TENM3: variants seen among roughly 807,000 people sequenced by gnomAD.
TENM3 encodes teneurin transmembrane protein 3, also known as teneurin-3.
In TENM3, 63 loss-of-function variants were observed where a neutral mutation model predicts 255.1. The ratio of observed to expected loss-of-function variants is 0.25; its 90% CI spans 0.20 to 0.30. The LOEUF (loss-of-function observed/expected upper bound fraction) is 0.30, where lower values mean the gene tolerates loss of function less well. Ranked by LOEUF, TENM3 falls within the 10% of genes least tolerant of loss-of-function variation. The pLI is 1.00. For missense variants in TENM3, 2,929 were observed against 3,461.1 expected, an observed-to-expected ratio of 0.85 and a Z score of 3.86; for synonymous variants, 1,306 against 1,322.3, an observed-to-expected ratio of 0.99 and a Z score of 0.27.
the TENM3 span, among the ~76,000 whole-genome samples, chr4:181,771,464 G>C: frequency 6.6e-6 from 1 of 152,200 alleles, no homozygotes; most frequent in Non-Finnish European, 1.5e-5. Context: ...TGTAGCCTAG[G>C]TACACAAGAG....
the TENM3 span, among the ~76,000 whole-genome samples, chr4:181,658,238 G>T: frequency 6.6e-6 from 1 of 152,142 alleles, no homozygotes; most frequent in Admixed American, 6.5e-5. Flanking sequence ...TTCCTAGCTT[G>T]TTTGATCATG....
chr4:182,437,760 C>T (rs2019984), intron 3 of TENM3, among the ~76,000 whole-genome samples: 11,334 of 150,668 alleles, frequency 0.075, 666 homozygotes, highest in East Asian at 0.23. Context: ...ATCGCACCAC[C>T]GCACTTCAGC....
At chr4:181,938,623 T>G in the TENM3 span, among the ~76,000 whole-genome samples, 12 of 152,212 alleles carry the variant, frequency 7.9e-5, no homozygotes, top group African/African-American at 2.7e-4. Context: ...GATAGAAATT[T>G]TCATGAGTTC....
chr4:181,731,476 C>T, the TENM3 span, among the ~76,000 whole-genome samples: 2,007 of 152,194 alleles, frequency 0.013, 25 homozygotes, highest in South Asian at 0.04. Flanking sequence ...CTCAGCCTCC[C>T]GAGTAGCTGG....
At chr4:181,884,389 A>G in the TENM3 span, among the ~76,000 whole-genome samples, 1 of 152,054 alleles carries the variant, frequency 6.6e-6, no homozygotes, top group African/African-American at 2.4e-5. Context: ...GGTTGTGTAA[A>G]TATCACCATT....
At chr4:181,567,857 G>A in the TENM3 span, among the ~76,000 whole-genome samples, 414 of 152,210 alleles carry the variant, frequency 2.7e-3, 1 homozygote, top group Admixed American at 6.6e-3. Flanking sequence ...TCTGAAAGGC[G>A]AAATAATTAG....
At position 182,403,206 on chromosome 4, in the gene TENM3, C is replaced by A. The variant is rs7694768; in HGVS notation, c.511+56277C>A. ...GCTGTAAGTCCTAGGGTTGATTGGTCAAGAATAAGATTTCTCCAGTAAGAC... is the reference window on the plus strand; with the variant it reads ...GCTGTAAGTCCTAGGGTTGATTGGTAAAGAATAAGATTTCTCCAGTAAGAC... On this transcript the variant is annotated intron_variant, in intron 3 of 27. Coordinates refer to ENST00000511685, the MANE Select transcript of TENM3 (RefSeq NM_001080477.4). Among the ~76,000 whole-genome samples, 691 of 152,182 alleles carry A rather than the reference C, an allele frequency of 4.5e-3. 7 individuals carry two copies. The highest frequency in any genetic ancestry group is 0.016 in the African/African-American group (648 of 41,500).
chr4:182,447,355 G>A (rs139288225), intron 3 of TENM3, among the ~76,000 whole-genome samples: 2 of 152,178 alleles, frequency 1.3e-5, no homozygotes, highest in African/African-American at 4.8e-5. Context: ...GGATGTCTTA[G>A]ACGTAATGGA....
At chr4:181,575,616 A>G in the TENM3 span, among the ~76,000 whole-genome samples, 1 of 152,246 alleles carries the variant, frequency 6.6e-6, no homozygotes, top group Non-Finnish European at 1.5e-5. Context: ...TATTATTTTA[A>G]TTGGTGAATT....
intron 4 of TENM3, among the ~76,000 whole-genome samples, chr4:182,621,587 AC>A (rs1750152448): frequency 8.9e-6 from 1 of 112,242 alleles, no homozygotes; most frequent in African/African-American, 3.3e-5. Context: ...ACATAGGGAG[AC>A]CCCCATCTGT....
chr4:182,455,384 G>A (rs915328948), intron 3 of TENM3, among the ~76,000 whole-genome samples: 23 of 151,590 alleles, frequency 1.5e-4, no homozygotes, highest in South Asian at 4.2e-4. Context: ...CCACACTGTC[G>A]TCACAGTTGT....
rs115350262 is a variant in TENM3 at position 182,413,529 on chromosome 4, T to C, written c.511+66600T>C. On this transcript the variant is annotated intron_variant, in intron 3 of 27. Transcript: ENST00000511685. ...TACTCAGGTGGCTGAGGCACGATAA[T>C]TGCTTGAGCCTGGGAAGCGGAGGTT... Among the ~76,000 whole-genome samples the C allele has an allele frequency of 5.6e-3, 851 of 152,154 alleles. 14 individuals carry two copies. Among genetic ancestry groups the C allele is most frequent in the African/African-American group, 0.02 (812 of 41,504 alleles).
chr4:182,632,537 G>A lies in TENM3; in HGVS notation c.988+3648G>A, dbSNP rs191025201. On this transcript the variant is annotated intron_variant, in intron 5 of 27. Transcript: ENST00000511685. ...CTGACTATCTTCTCATACATTTATT[G>A]GCCATTTGTATTTCTCTTTTTGTGT... Among the ~76,000 whole-genome samples, 489 of 152,026 alleles carry A rather than the reference G, an allele frequency of 3.2e-3. 2 individuals are homozygous for A. Among genetic ancestry groups the A allele is most frequent in the Admixed American group, 5.4e-3 (83 of 15,268 alleles).
At chr4:182,169,524 T>C (rs1423190465) in intron 1 of TENM3, 1 of 281,600 alleles carries the variant, frequency 3.6e-6, no homozygotes, top group Non-Finnish European at 7.0e-6. Flanking sequence ...GAATTTATCT[T>C]ATATTTATTA....
chr4:181,943,063 CA>C, the TENM3 span, among the ~76,000 whole-genome samples: 1 of 152,108 alleles, frequency 6.6e-6, no homozygotes, highest in Non-Finnish European at 1.5e-5. Flanking sequence ...GGGAGTAAAA[CA>C]CCTTTTGAAC....
chr4:181,706,642 A>T, the TENM3 span, among the ~76,000 whole-genome samples: 6 of 152,172 alleles, frequency 3.9e-5, no homozygotes, highest in East Asian at 3.9e-4. Context: ...AATGTGATAA[A>T]CTAGGAAAAA....
chr4:182,474,444 CTG>C (rs1733471655), intron 3 of TENM3, among the ~76,000 whole-genome samples: 1 of 152,110 alleles, frequency 6.6e-6, no homozygotes, highest in South Asian at 2.1e-4. Flanking sequence ...TTTTGAGAAA[CTG>C]TCTCTTATAT....
chr4:181,647,087 T>C, the TENM3 span, among the ~76,000 whole-genome samples: 1 of 152,108 alleles, frequency 6.6e-6, no homozygotes, highest in African/African-American at 2.4e-5. Context: ...ATACGGAATA[T>C]TAAGTAACAA....
the TENM3 span, among the ~76,000 whole-genome samples, chr4:181,520,423 A>G: frequency 8.8e-3 from 1,334 of 151,930 alleles, 21 homozygotes; most frequent in African/African-American, 0.03. Flanking sequence ...GTGTGTGTGT[A>G]TGTGTGTGTG....
Sources: gnomAD v4.1 joint callset for allele counts (sites outside exome capture counted in the v4.1 genomes callset) on GRCh38, gnomAD v4.1.1 for gene constraint, MANE v1.5 for transcripts, NCBI Gene and HGNC (gene_info 2026-07-23, HGNC 2026-07-21) for gene names.